The following SLC13A5 variants were observed in gnomAD, a reference collection of about 807,000 sequenced individuals.
The protein encoded by SLC13A5 is solute carrier family 13 member 5.
Under a neutral mutation model 56.5 loss-of-function variants are expected in SLC13A5, and 25 were observed. That is an observed-to-expected ratio of 0.44 (90% CI 0.32 to 0.62). SLC13A5 has a LOEUF of 0.62. SLC13A5 is among the 20% of genes least tolerant of loss of function. SLC13A5 has a pLI of 0.04. For missense variants in SLC13A5, 649 were observed against 737.8 expected (o/e 0.88, Z 1.39); for synonymous variants, 307 against 301.5 (o/e 1.02, Z -0.19).
intron 1 of SLC13A5, among the ~76,000 whole-genome samples, chr17:6,708,643 A>G (rs1373561385): frequency 6.6e-6 from 1 of 152,254 alleles, no homozygotes; most frequent in African/African-American, 2.4e-5. Flanking sequence ...CTATACATAT[A>G]CTTAAGAAAC....
chr17:6,705,890 C>T (rs899926649), intron 3 of SLC13A5, among the ~76,000 whole-genome samples: 1 of 152,180 alleles, frequency 6.6e-6, no homozygotes, highest in Non-Finnish European at 1.5e-5. Flanking sequence ...GTCCAATCCC[C>T]GTGTGTCCAT....
intron 6 of SLC13A5, among the ~76,000 whole-genome samples, chr17:6,699,888 G>C (rs1973663536): frequency 6.6e-6 from 1 of 152,344 alleles, no homozygotes; most frequent in South Asian, 2.1e-4. Context: ...TTACAGGTGT[G>C]AGCCATCGCG....
Position 6,713,229 on chromosome 17 carries a change from G to T in SLC13A5, c.102+3C>A. 1.2e-6 allele frequency: 2 copies of T among 1,613,670 alleles called. No homozygotes were observed. The highest frequency in any genetic ancestry group is 2.2e-5 in the South Asian group (2 of 91,066). ...CGAAGGGCTGCCTGGAGATGCAACT[G>T]ACCTTGGCGGGCATCAGAATGACGA... On this transcript the variant is annotated splice_donor_region_variant and intron_variant, in intron 1 of 11. Transcript: ENST00000433363. The surrounding 1 kb of genome is among the most constrained non-coding windows in gnomAD (Gnocchi z 7.3).
At chr17:6,698,480 C>A (rs1973618964) in intron 6 of SLC13A5, among the ~76,000 whole-genome samples, 1 of 152,218 alleles carries the variant, frequency 6.6e-6, no homozygotes, top group African/African-American at 2.4e-5. Flanking sequence ...TCTAGGGCAG[C>A]CCCGGCCCCA....
chr17:6,687,714 C>G lies in SLC13A5; in HGVS notation c.1438-48G>C. ...CATCACCGTACAGAACACAGAAGCT[C>G]TTGGGGACGTGATTCTGAAAAGGAT... On this transcript the variant is annotated intron_variant, in intron 10 of 11. Transcript: ENST00000433363. The surrounding 1 kb of genome is among the most constrained non-coding windows in gnomAD (Gnocchi z 5.0). 6.6e-7 allele frequency: 1 copy of G among 1,508,418 alleles called. No homozygotes were observed. Among genetic ancestry groups the G allele is most frequent in the South Asian group, 1.3e-5 (1 of 74,868 alleles). 93.4% of individuals were successfully genotyped at this position (1,508,418 alleles called of 1,614,324 possible). A position where few individuals can be genotyped will look rare whatever the true frequency, so the allele number is the denominator to read the frequency against.
intron 3 of SLC13A5, chr17:6,704,988 C>G (rs1022498778): frequency 2.0e-5 from 3 of 152,340 alleles, no homozygotes; most frequent in African/African-American, 7.2e-5. Context: ...AGGCTAGGGA[C>G]AGAAGGAGCT....
Position 6,694,282 on chromosome 17 carries a change from T to G in SLC13A5, c.1056-85A>C. 9.0e-6 allele frequency: 7 copies of G among 774,188 alleles called. No homozygotes were observed. In the South Asian group the frequency reaches 1.1e-4, roughly 13 times the overall value. 48.0% of individuals were successfully genotyped at this position (774,188 alleles called of 1,614,324 possible). A position where few individuals can be genotyped will look rare whatever the true frequency, so the allele number is the denominator to read the frequency against. On this transcript the variant is annotated intron_variant, in intron 7 of 11. Coordinates refer to ENST00000433363, the MANE Select transcript of SLC13A5 (RefSeq NM_177550.5). ...CAACTCCGGCAGTTCTGTGTCCAAA[T>G]GCTTCTATGCAAAGAAACAGGCTCA...
chr17:6,704,429 G>T (rs1973810632), intron 3 of SLC13A5: 1 of 376,966 alleles, frequency 2.7e-6, no homozygotes, highest in Non-Finnish European at 5.3e-6. Context: ...TTGCCCTAGG[G>T]TGTGCTGGAA....
rs1291919361 is a variant in SLC13A5 at position 6,693,108 on chromosome 17, T to C, written c.1211A>G (p.Glu404Gly). 2 of 1,613,660 alleles carry C rather than the reference T, an allele frequency of 1.2e-6. No homozygotes were observed. The highest frequency in any genetic ancestry group is 2.2e-5 in the South Asian group (2 of 91,050). Reference sequence around the variant, plus strand: ...CAGCACGATGCCCCAGGGCACTTTCTCCTGGGTTACCTTCCAATCCAGCAG... The same window carrying C: ...CAGCACGATGCCCCAGGGCACTTTCCCCTGGGTTACCTTCCAATCCAGCAG... ...PPLLDWKVTQ[E>G]KVPWGIVLLL... Residue 404 changes from glutamate to glycine, a missense_variant, in exon 9 of 12, where the codon GAG (glutamate) becomes GGG (glycine). Physicochemically the swap from Glu to Gly is moderately conservative, Grantham distance 98. Transcript: ENST00000433363.
intron 1 of SLC13A5, among the ~76,000 whole-genome samples, chr17:6,710,527 C>T (rs1197694441): frequency 6.6e-6 from 1 of 152,086 alleles, no homozygotes; most frequent in African/African-American, 2.4e-5. Flanking sequence ...CAAGCAGACC[C>T]ACTAGGAAAG....
chr17:6,686,485 G>T, intron 11 of SLC13A5, 147 bp from the exon 12 acceptor site: 1 of 917,802 alleles, frequency 1.1e-6, no homozygotes, highest in Non-Finnish European at 1.6e-6. Context: ...AGGACAGTGC[G>T]ACTTCATGTC....
At chr17:6,690,088 A>AAAAAAAC (rs1973363477) in intron 10 of SLC13A5, 1 of 139,698 alleles carries the variant, frequency 7.2e-6, no homozygotes, top group Non-Finnish European at 1.5e-5. Context: ...AAAAAAAAAA[A>AAAAAAAC]AAAAAAACCA....
Position 6,706,631 on chromosome 17 carries a change from G to A in SLC13A5, c.368+11C>T. Reference sequence around the variant, plus strand: ...CAGAGCCACGTGGCAAGAGAGAGAAGGCGTAATTACCGTGCAGGCTTGGCC... The same window carrying A: ...CAGAGCCACGTGGCAAGAGAGAGAAAGCGTAATTACCGTGCAGGCTTGGCC... On this transcript the variant is annotated intron_variant, in intron 3 of 11. Transcript: ENST00000433363. The A allele has an allele frequency of 1.2e-6, 2 of 1,612,622 alleles. 1 individual carries two copies. Among genetic ancestry groups the A allele is most frequent in the Non-Finnish European group, 1.7e-6 (2 of 1,179,406 alleles).
rs948362397 is a variant in SLC13A5, at chr17:6,710,640, T to C, written c.102+2592A>G. Among the ~76,000 whole-genome samples the C allele has an allele frequency of 2.6e-5, 4 of 152,136 alleles. No homozygotes were observed. The East Asian group carries it at 7.8e-4, about 30-fold the overall frequency. ...GTCAACAGGCTTGACCCCCCTAGTC[T>C]AGAATGCCTCCACAGTGTCAAGGGA... On this transcript the variant is annotated intron_variant, in intron 1 of 11. Coordinates refer to ENST00000433363, the MANE Select transcript of SLC13A5 (RefSeq NM_177550.5).
chr17:6,708,377 C>T (rs1973928490), intron 1 of SLC13A5, among the ~76,000 whole-genome samples: 1 of 152,232 alleles, frequency 6.6e-6, no homozygotes, highest in African/African-American at 2.4e-5. Flanking sequence ...ACTGTTTCCT[C>T]AACTGTCCTT....
chr17:6,703,040 C>G lies in SLC13A5; in HGVS notation c.646G>C (p.Ala216Pro). ...AGGGTGGCGGTGCCCCCGATGCTGG[C>G]CGCGTAGCAGATGCACAGGGTCATG... ...KAMTLCICYA[A>P]SIGGTATLTG... Residue 216 changes from alanine (A) to proline (P), a missense_variant, in exon 5 of 12, where the codon GCC (alanine) becomes CCC (proline). Ala to Pro is a conservative substitution (Grantham distance 27). Transcript: ENST00000433363. 1 of 1,614,214 alleles carries G rather than the reference C, an allele frequency of 6.2e-7. No homozygotes were observed. Among genetic ancestry groups the G allele is most frequent in the South Asian group, 1.1e-5 (1 of 91,090 alleles).
intron 1 of SLC13A5, among the ~76,000 whole-genome samples, chr17:6,709,460 G>A (rs937860376): frequency 6.6e-6 from 1 of 151,924 alleles, no homozygotes; most frequent in Non-Finnish European, 1.5e-5. Flanking sequence ...AGTAGAGAGG[G>A]GATTTCACCA....
In SLC13A5 at chr17:6,687,084, GCTCT is replaced by G. The variant is rs1266844759; in HGVS notation, c.1575+441_1575+444del. The G allele has an allele frequency of 5.5e-6, 1 of 181,174 alleles. No individual in the cohort carries two copies. Among genetic ancestry groups the G allele is most frequent in the East Asian group, 1.9e-4 (1 of 5,380 alleles). The allele number at this position is 181,174 out of a possible 1,614,324, so 11.2% of individuals were successfully genotyped here. On this transcript the variant is annotated intron_variant, in intron 11 of 11. Transcript: ENST00000433363. The surrounding 1 kb of genome is among the most constrained non-coding windows in gnomAD (Gnocchi z 5.0). ...AAGGCATCATCTACTCCCAGGCAGT[GCTCT>G]CTCTCTCCCTCTCCCTGCTTCTACC... is the stretch of plus-strand genomic sequence containing the variant.
chr17:6,687,239 A>T lies in SLC13A5; in HGVS notation c.1575+290T>A, dbSNP rs1973273491. 2.7e-6 allele frequency: 1 copy of T among 368,616 alleles called. No homozygotes were observed. Among genetic ancestry groups the T allele is most frequent in the Non-Finnish European group, 4.9e-6 (1 of 204,542 alleles). The allele number at this position is 368,616 out of a possible 1,614,324, so 22.8% of individuals were successfully genotyped here. ...TCATCCTTGGCCATATGAGTCCCTCAGCCCCACCTTCACCCCTTCCAAGGA... is the reference window on the plus strand; with the variant it reads ...TCATCCTTGGCCATATGAGTCCCTCTGCCCCACCTTCACCCCTTCCAAGGA... On this transcript the variant is annotated intron_variant, in intron 11 of 11. Coordinates refer to ENST00000433363, the MANE Select transcript of SLC13A5 (RefSeq NM_177550.5). The surrounding 1 kb of genome is among the most constrained non-coding windows in gnomAD (Gnocchi z 5.0).
Sources: gnomAD v4.1 joint callset for allele counts (sites outside exome capture counted in the v4.1 genomes callset) on GRCh38, gnomAD v4.1.1 for gene constraint, Gnocchi (gnomAD v3.1) non-coding constraint, MANE v1.5 for transcripts, NCBI Gene and HGNC (gene_info 2026-07-23, HGNC 2026-07-21) for gene names.